Variants in MIA2 observed in about 807,000 individuals in gnomAD.
MIA2 encodes the protein melanoma inhibitory activity protein 2.
A neutral mutation model predicts 167.8 loss-of-function variants in MIA2; 127 were observed. The observed-to-expected ratio is 0.76, with a 90% CI of 0.66 to 0.88. The LOEUF is 0.88. MIA2 is among the 40% of genes least tolerant of loss of function. MIA2 has a pLI of 0.00. For missense variants in MIA2, 1,690 were observed against 1,624.7 expected (o/e 1.04, Z -0.69); for synonymous variants, 552 against 541.9 (o/e 1.02, Z -0.26).
intron 23 of MIA2, among the ~76,000 whole-genome samples, chr14:39,377,281 A>G (rs1015230346): frequency 2.6e-5 from 4 of 152,034 alleles, no homozygotes; most frequent in African/African-American, 9.7e-5. Context: ...CAAAGGCCAT[A>G]TTACTCTGAA....
In MIA2 at chr14:39,234,049, T is replaced by C. The variant is rs1034982373; in HGVS notation, c.-66T>C. On this transcript the variant is annotated 5_prime_UTR_variant, in exon 1 of 29. Coordinates refer to ENST00000640607, the MANE Select transcript of MIA2 (RefSeq NM_001329214.4). ...AGAGTAGAATATCTCCAGTTTTGGC[T>C]GACATCTCTACAACCTGAACAATTG... 8.6e-5 allele frequency: 84 copies of C among 975,918 alleles called. No homozygotes were observed. The highest frequency in any genetic ancestry group is 1.2e-4 in the Non-Finnish European group (76 of 645,002). 60.5% of individuals were successfully genotyped at this position (975,918 alleles called of 1,614,324 possible).
intron 6 of MIA2, among the ~76,000 whole-genome samples, chr14:39,256,698 T>A (rs999826296): frequency 1.3e-5 from 2 of 152,042 alleles, no homozygotes; most frequent in African/African-American, 4.8e-5. Context: ...TACTGAAAAC[T>A]GAATAAGTGT....
intron 25 of MIA2, among the ~76,000 whole-genome samples, chr14:39,330,379 C>T (rs1157939286): frequency 6.6e-6 from 1 of 152,034 alleles, no homozygotes; most frequent in East Asian, 1.9e-4. Flanking sequence ...ATTAGTCTGG[C>T]TAGTGGTCTA....
chr14:39,354,823 T>G (rs970595939), downstream of MIA2, among the ~76,000 whole-genome samples: 6 of 152,198 alleles, frequency 3.9e-5, no homozygotes, highest in African/African-American at 1.4e-4. Flanking sequence ...AGAGAATCCT[T>G]TCCCCATTTC....
In MIA2 at chr14:39,276,923, T is replaced by A. The variant is rs375950626; in HGVS notation, c.1888-11T>A. The stretch of plus-strand genomic sequence containing the variant: ...TACATTTTTAAGAACTTACTTTTCT[T>A]TATCTTGAAGGTTGTGGCAGCACTG... On this transcript the variant is annotated splice_polypyrimidine_tract_variant and intron_variant, in intron 6 of 28. Coordinates refer to ENST00000640607, the MANE Select transcript of MIA2 (RefSeq NM_001329214.4). 2 of 1,605,208 alleles carry A rather than the reference T, an allele frequency of 1.2e-6. No homozygotes were observed. The highest frequency in any genetic ancestry group is 1.7e-6 in the Non-Finnish European group (2 of 1,178,092).
intron 23 of MIA2, among the ~76,000 whole-genome samples, chr14:39,372,934 T>C (rs898178512): frequency 6.6e-6 from 1 of 152,218 alleles, no homozygotes; most frequent in Non-Finnish European, 1.5e-5. Context: ...GTGTGTATTG[T>C]ATATTTCAAA....
intron 17 of MIA2, 79 bp from the exon 18 acceptor site, chr14:39,308,370 G>T: frequency 1.2e-6 from 1 of 863,520 alleles, no homozygotes; most frequent in Non-Finnish European, 1.7e-6. Context: ...ATTATTTTTA[G>T]TAATTTTTAT....
chr14:39,364,971 G>A (rs998082250), intron 23 of MIA2, among the ~76,000 whole-genome samples: 1 of 151,888 alleles, frequency 6.6e-6, no homozygotes, highest in Non-Finnish European at 1.5e-5. Context: ...TGAATTTCCT[G>A]TATTTGGATG....
At chr14:39,365,650 CCTATCTATCTATCTAT>C (rs3065047) in intron 23 of MIA2, among the ~76,000 whole-genome samples, 61,088 of 147,768 alleles carry the variant, frequency 0.41, 12,965 homozygotes, top group East Asian at 0.61. Context: ...TTTAAAAATA[CCTATCTATCTATCTAT>C]CTATCTATCT....
At chr14:39,318,600 G>C (rs1171588238) in intron 22 of MIA2, among the ~76,000 whole-genome samples, 1 of 152,024 alleles carries the variant, frequency 6.6e-6, no homozygotes, top group Admixed American at 6.6e-5. Flanking sequence ...GTCTTTTCTA[G>C]TCTCAGAAAT....
intron 6 of MIA2, among the ~76,000 whole-genome samples, chr14:39,264,670 A>G (rs767218000): frequency 1.3e-4 from 20 of 152,324 alleles, no homozygotes; most frequent in Non-Finnish European, 2.2e-4. Context: ...CTCTTACATC[A>G]CTAGTACAGA....
chr14:39,380,117 T>C (rs964066630), intron 23 of MIA2, among the ~76,000 whole-genome samples: 2 of 152,162 alleles, frequency 1.3e-5, no homozygotes, highest in African/African-American at 4.8e-5. Flanking sequence ...GCATAGAATG[T>C]TATATTGAAA....
At chr14:39,295,839 T>G (rs2061353727) in intron 13 of MIA2, among the ~76,000 whole-genome samples, 1 of 152,212 alleles carries the variant, frequency 6.6e-6, no homozygotes, top group Admixed American at 6.5e-5. Flanking sequence ...ATTACAGGCG[T>G]GAGCCACTGC....
intron 13 of MIA2, among the ~76,000 whole-genome samples, chr14:39,296,606 T>TTTTC (rs1491200509): frequency 1.9e-3 from 8 of 4,164 alleles, no homozygotes; most frequent in South Asian, 6.0e-3. Flanking sequence ...TTTTCTTTTC[T>TTTTC]TTTTTTTTTT....
intron 23 of MIA2, among the ~76,000 whole-genome samples, chr14:39,381,516 A>G (rs1422740614): frequency 6.6e-6 from 1 of 152,222 alleles, no homozygotes; most frequent in Non-Finnish European, 1.5e-5. Context: ...TTAAGGACCA[A>G]TCCCAGCTGT....
At chr14:39,315,992 A>T (rs2152951463) in intron 21 of MIA2, among the ~76,000 whole-genome samples, 1 of 152,296 alleles carries the variant, frequency 6.6e-6, no homozygotes, top group Admixed American at 6.5e-5. Flanking sequence ...TCATGGACTG[A>T]TTGTTCCAGG....
At chr14:39,361,090 C>T (rs553681659) in intron 23 of MIA2, among the ~76,000 whole-genome samples, 1 of 152,102 alleles carries the variant, frequency 6.6e-6, no homozygotes, top group African/African-American at 2.4e-5. Context: ...ATGTGATGCC[C>T]CCACCTTGAT....
At chr14:39,355,130 C>A (rs1372101164), downstream of MIA2, among the ~76,000 whole-genome samples, 1 of 150,828 alleles carries the variant, frequency 6.6e-6, no homozygotes, top group Non-Finnish European at 1.5e-5. Context: ...GGCATTGAAT[C>A]TATAAATTAC....
chr14:39,387,055 C>T, exon 24 of MIA2: 8 of 680,078 alleles, frequency 1.2e-5, no homozygotes, highest in Admixed American at 9.1e-5. Flanking sequence ...TAGCTGGCGG[C>T]GGGTAATCAA....
Sources: allele counts gnomAD v4.1 joint callset (sites outside exome capture counted in the v4.1 genomes callset), GRCh38; gene constraint gnomAD v4.1.1; transcripts MANE v1.5; gene names NCBI Gene and HGNC (gene_info 2026-07-23, HGNC 2026-07-21).